Variants in GTPBP1 observed in about 807,000 individuals in gnomAD.
The protein encoded by GTPBP1 is GTP binding protein 1.
A neutral mutation model predicts 62.0 loss-of-function variants in GTPBP1; 23 were observed. That is an observed-to-expected ratio of 0.37 (90% CI 0.27 to 0.53). The LOEUF (loss-of-function observed/expected upper bound fraction) is 0.53. Ranked by LOEUF, GTPBP1 falls within the 20% of genes least tolerant of loss-of-function variation. The probability of loss-of-function intolerance (pLI) is 0.89; values close to 1 mark genes in which losing one functional copy is unlikely to be tolerated. For missense variants in GTPBP1, 640 were observed against 917.3 expected (o/e 0.70, Z 3.90); for synonymous variants, 344 against 364.4 (o/e 0.94, Z 0.64).
intron 4 of GTPBP1, among the ~76,000 whole-genome samples, chr22:38,720,658 A>T (rs2092695188): frequency 6.6e-6 from 1 of 152,196 alleles, no homozygotes; most frequent in Admixed American, 6.5e-5. Context: ...CACATTTCAT[A>T]CACGTGCCCT....
intron 2 of GTPBP1, among the ~76,000 whole-genome samples, chr22:38,712,573 G>A (rs906150186): frequency 4.6e-5 from 7 of 152,174 alleles, no homozygotes; most frequent in Admixed American, 2.0e-4. Flanking sequence ...TCTGATTAGC[G>A]TCTGGCATGG....
At chr22:38,728,251 A>T in intron 10 of GTPBP1, 90 bp downstream of exon 10, 2 of 911,806 alleles carry the variant, frequency 2.2e-6, no homozygotes, top group Non-Finnish European at 3.5e-6. Context: ...AGGTTTAGTC[A>T]CTGCCATGGG....
At chr22:38,739,112 G>A (rs1258833532), downstream of GTPBP1, 24 of 1,021,284 alleles carry the variant, frequency 2.3e-5, no homozygotes, top group Non-Finnish European at 3.3e-5. The surrounding 1 kb of genome is among the most constrained non-coding windows in gnomAD (Gnocchi z 6.7). Context: ...AACCCTAACC[G>A]AGATGCTCAG....
intron 11 of GTPBP1, 47 bp downstream of exon 11, chr22:38,729,709 G>A (rs749690863): frequency 5.9e-5 from 80 of 1,356,902 alleles, no homozygotes; most frequent in Non-Finnish European, 7.5e-5. Flanking sequence ...GGGGGCTGTG[G>A]CTTTTACTCT....
Position 38,716,934 on chromosome 22 carries a change from T to C in GTPBP1, c.768T>C (p.His256=). 1 of 1,613,984 alleles carries C rather than the reference T, an allele frequency of 6.2e-7. No homozygotes were observed. Among genetic ancestry groups the C allele is most frequent in the Non-Finnish European group, 8.5e-7 (1 of 1,179,848 alleles). Residue 256 remains histidine, a synonymous_variant, in exon 4 of 12, where the codon CAT becomes CAC. Coordinates refer to ENST00000216044, the MANE Select transcript of GTPBP1 (RefSeq NM_004286.5). This position sits in a 1 kb window ranked among gnomAD's most constrained non-coding sequence, Gnocchi z 5.2. ...KVITFIDLAG[H]EKYLKTTVFG... is the part of the protein sequence containing the mutation. ...TTACCTTCATCGACTTGGCTGGTCATGAGAAGTACCTGAAAACCACTGTCT... is the reference window on the plus strand; with the variant it reads ...TTACCTTCATCGACTTGGCTGGTCACGAGAAGTACCTGAAAACCACTGTCT...
Position 38,706,149 on chromosome 22 carries a change from T to C in GTPBP1, c.192+2T>C. On this transcript the variant is annotated splice_donor_variant, in intron 1 of 11. Coordinates refer to ENST00000216044, the MANE Select transcript of GTPBP1 (RefSeq NM_004286.5). LOFTEE classifies it high-confidence loss of function. ...CCAGAGCTGGACCTCACCAGCAAGGTAGGCCCGGGCGGCGGCGGCGGGCGC... is the reference window on the plus strand; with the variant it reads ...CCAGAGCTGGACCTCACCAGCAAGGCAGGCCCGGGCGGCGGCGGCGGGCGC... 1 of 1,241,242 alleles carries C rather than the reference T, an allele frequency of 8.1e-7. No individual in the cohort carries two copies. The highest frequency in any genetic ancestry group is 1.0e-6 in the Non-Finnish European group (1 of 991,978). The allele number at this position is 1,241,242 out of a possible 1,614,324, so 76.9% of individuals were successfully genotyped here.
In GTPBP1 at chr22:38,716,270, A is replaced by G; in HGVS notation, c.485+183A>G. ...ACTTCCCTGTCACTTTGGGAAGAGC[A>G]CGAGAGAGGCCAGCCGTGCATTCTG... On this transcript the variant is annotated intron_variant, in intron 3 of 11. Transcript: ENST00000216044. The surrounding 1 kb of genome is among the most constrained non-coding windows in gnomAD (Gnocchi z 5.2). 1.6e-6 allele frequency: 1 copy of G among 613,480 alleles called. No homozygotes were observed. Among genetic ancestry groups the G allele is most frequent in the East Asian group, 2.8e-5 (1 of 35,806 alleles). The allele number at this position is 613,480 out of a possible 1,614,324, so 38.0% of individuals were successfully genotyped here.
In GTPBP1 at chr22:38,731,634, G is replaced by C. The variant is rs371019342; in HGVS notation, c.*930G>C. ...GGCCTCAGGCACTGGTTACCAGAAG[G>C]GGGTCTGGGTCTGCTCAGGATCATG... On this transcript the variant is annotated 3_prime_UTR_variant, in exon 12 of 12. Transcript: ENST00000216044. The C allele has an allele frequency of 1.3e-5, 2 of 152,678 alleles. No individual in the cohort carries two copies. The highest frequency in any genetic ancestry group is 4.8e-5 in the African/African-American group (2 of 41,460). The allele number at this position is 152,678 out of a possible 1,614,324, so 9.5% of individuals were successfully genotyped here.
downstream of GTPBP1, chr22:38,738,867 G>A: frequency 6.2e-7 from 1 of 1,600,328 alleles, no homozygotes; most frequent in Non-Finnish European, 8.5e-7. The surrounding 1 kb of genome is among the most constrained non-coding windows in gnomAD (Gnocchi z 6.6). Flanking sequence ...CTTGCCAGGT[G>A]CCCACCTGGA....
chr22:38,724,222 G>T, intron 5 of GTPBP1, 75 bp from the exon 6 acceptor site: 1 of 820,476 alleles, frequency 1.2e-6, no homozygotes, highest in South Asian at 1.4e-5. Flanking sequence ...GTAATGAGTG[G>T]ACCCATCTTG....
At chr22:38,709,414 A>G (rs915442925) in intron 2 of GTPBP1, among the ~76,000 whole-genome samples, 2 of 152,256 alleles carry the variant, frequency 1.3e-5, no homozygotes, top group Non-Finnish European at 2.9e-5. Flanking sequence ...TAAAAGTACA[A>G]AGTGAATGTT....
chr22:38,730,643 G>A lies in GTPBP1; in HGVS notation c.1949G>A (p.Gly650Glu). 1 of 1,606,504 alleles carries A rather than the reference G, an allele frequency of 6.2e-7. No homozygotes were observed. ...CCCAGCAGTGGAGGCCGGCGACGAGGGGGCCAGCGCCACAAGGTGAAGTCC... is the reference window on the plus strand; with the variant it reads ...CCCAGCAGTGGAGGCCGGCGACGAGAGGGCCAGCGCCACAAGGTGAAGTCC... ...PKPSSGGRRR[G>E]GQRHKVKSQG... The change falls in exon 12 of 12, where the codon GGG becomes GAG. Residue 650 changes from glycine to glutamate, a missense_variant. Gly to Glu is a moderately conservative substitution (Grantham distance 98). This residue lies in a region of GTPBP1 where 117 missense variants were observed against 107.1 expected (regional missense o/e 1.09). Transcript: ENST00000216044. This position sits in a 1 kb window ranked among gnomAD's most constrained non-coding sequence, Gnocchi z 5.6.
At chr22:38,740,888 C>T (rs2092851323), downstream of GTPBP1, 6 of 1,143,822 alleles carry the variant, frequency 5.2e-6, no homozygotes, top group Admixed American at 6.0e-5. The surrounding 1 kb of genome is among the most constrained non-coding windows in gnomAD (Gnocchi z 4.8). Flanking sequence ...CCTCCCCCTA[C>T]CATCTGCTTG....
At chr22:38,708,757 A>C in intron 1 of GTPBP1, 88 bp from the exon 2 acceptor site, 1 of 780,264 alleles carries the variant, frequency 1.3e-6, no homozygotes, top group African/African-American at 1.7e-5. Flanking sequence ...GGGTTCAGTC[A>C]GGATCTTTGG....
chr22:38,717,863 CAG>C (rs2092679418), intron 4 of GTPBP1, among the ~76,000 whole-genome samples: 1 of 152,346 alleles, frequency 6.6e-6, no homozygotes, highest in Non-Finnish European at 1.5e-5. Flanking sequence ...CGGGAAGGGA[CAG>C]AGTCAGAGAC....
In GTPBP1 at chr22:38,731,010, T is replaced by TTGTG. The variant is rs397836314; in HGVS notation, c.*343_*346dup. On this transcript the variant is annotated 3_prime_UTR_variant, in exon 12 of 12. Transcript: ENST00000216044. ...TATTATATGTCTCTGTCTCTCTCTA[T>TTGTG]TGTGTGTGTGTGTGTGTGTGTGTGT... is the stretch of plus-strand genomic sequence containing the variant. 16,364 of 183,368 alleles carry TTGTG rather than the reference T, an allele frequency of 0.089. 1,084 individuals are homozygous for TTGTG. The highest frequency in any genetic ancestry group is 0.2 in the African/African-American group (7,464 of 36,928). 11.4% of individuals were successfully genotyped at this position (183,368 alleles called of 1,614,324 possible).
intron 2 of GTPBP1, among the ~76,000 whole-genome samples, chr22:38,712,590 A>T (rs1013993989): frequency 1.3e-5 from 2 of 152,184 alleles, no homozygotes; most frequent in Non-Finnish European, 1.5e-5. Context: ...ATGGCTGAGT[A>T]TGTGGCCTTT....
intron 10 of GTPBP1, 42 bp from the exon 11 acceptor site, chr22:38,729,420 C>A: frequency 1.4e-6 from 2 of 1,468,342 alleles, no homozygotes; most frequent in Non-Finnish European, 9.3e-7. Flanking sequence ...AGTGCCACTG[C>A]CCCGCAGCTC....
At chr22:38,741,520 A>G, downstream of GTPBP1, 1 of 1,614,038 alleles carries the variant, frequency 6.2e-7, no homozygotes, top group Non-Finnish European at 8.5e-7. Flanking sequence ...ATCTTCTTGA[A>G]GAGGTCTTCT....
Sources: allele counts gnomAD v4.1 joint callset (sites outside exome capture counted in the v4.1 genomes callset), GRCh38; gene constraint gnomAD v4.1.1; regional missense constraint gnomAD v4.1.1; non-coding constraint Gnocchi (gnomAD v3.1); transcripts MANE v1.5; gene names NCBI Gene and HGNC (gene_info 2026-07-23, HGNC 2026-07-21).